LYZL2: variants seen among roughly 807,000 people sequenced by gnomAD.
LYZL2 encodes lysozyme-like protein 2.
LYZL2 carries 13 observed loss-of-function variants against 17.1 expected under a neutral mutation model. That is an observed-to-expected ratio of 0.76 (90% CI 0.49 to 1.21). LYZL2 has a LOEUF of 1.21. Among genes scored for constraint, LYZL2 ranks in the 50% most tolerant of loss-of-function variants. The pLI, the probability that LYZL2 is intolerant of heterozygous loss-of-function variation, is 0.00. For synonymous variants in LYZL2, 63 were observed against 74.4 expected, an observed-to-expected ratio of 0.85 and a Z score of 0.79; for missense variants, 166 against 189.2, an observed-to-expected ratio of 0.88 and a Z score of 0.72.
intron 3 of LYZL2, among the ~76,000 whole-genome samples, chr10:30,614,781 T>C (rs1019844053): frequency 6.6e-6 from 1 of 152,192 alleles, no homozygotes; most frequent in Non-Finnish European, 1.5e-5. Flanking sequence ...TTTAGAGCCT[T>C]AACGAGGTTT....
the LYZL2 span, among the ~76,000 whole-genome samples, chr10:30,606,740 C>A: frequency 6.6e-6 from 1 of 152,086 alleles, no homozygotes; most frequent in East Asian, 1.9e-4. Flanking sequence ...TGTCTACTCC[C>A]CACTCTGCAC....
intron 3 of LYZL2, among the ~76,000 whole-genome samples, chr10:30,619,233 T>C (rs1838581820): frequency 6.6e-6 from 1 of 152,222 alleles, no homozygotes; most frequent in Non-Finnish European, 1.5e-5. Context: ...TTGGTGGGAC[T>C]GTAAACTAGT....
At chr10:30,628,928 T>C (rs535104517) in intron 1 of LYZL2, among the ~76,000 whole-genome samples, 1 of 152,230 alleles carries the variant, frequency 6.6e-6, no homozygotes. Flanking sequence ...TGGTAATATA[T>C]TGTTGGTGGC....
intron 3 of LYZL2, among the ~76,000 whole-genome samples, chr10:30,613,947 C>G (rs941186680): frequency 2.6e-5 from 4 of 152,144 alleles, no homozygotes; most frequent in African/African-American, 7.2e-5. Context: ...TGGGCTCAAG[C>G]AATCCTCTGG....
intron 1 of LYZL2, among the ~76,000 whole-genome samples, chr10:30,628,258 G>A (rs950789665): frequency 1.3e-5 from 2 of 152,192 alleles, no homozygotes; most frequent in Non-Finnish European, 2.9e-5. Context: ...AAATGTGGGA[G>A]CATTGCTTCC....
chr10:30,627,684 C>A (rs936136550), intron 1 of LYZL2, among the ~76,000 whole-genome samples: 1 of 152,104 alleles, frequency 6.6e-6, no homozygotes, highest in Non-Finnish European at 1.5e-5. Flanking sequence ...GGCTTCCAGT[C>A]AGCAGTAGGC....
chr10:30,627,972 A>T (rs1378263422), intron 1 of LYZL2, among the ~76,000 whole-genome samples: 1 of 152,206 alleles, frequency 6.6e-6, no homozygotes, highest in Non-Finnish European at 1.5e-5. Context: ...ATCCTGGCTA[A>T]TGCGGTGAAA....
rs375518658 is a variant in LYZL2, at chr10:30,612,032, C to T, written c.378-8G>A. ...TGTTTCTTCCAGCCTTGCCTGAGGA[C>T]GAGAGGGAAGCAAGAGCAGCAGAAA... is the stretch of plus-strand genomic sequence containing the variant. On this transcript the variant is annotated splice_polypyrimidine_tract_variant and splice_region_variant and intron_variant, in intron 4 of 4. Coordinates refer to ENST00000647634, the MANE Select transcript of LYZL2 (RefSeq NM_183058.3). 141 of 1,613,836 alleles carry T rather than the reference C, an allele frequency of 8.7e-5. No homozygotes were observed. The highest frequency in any genetic ancestry group is 2.8e-4 in the African/African-American group (21 of 74,996).
At chr10:30,614,621 A>C (rs554839166) in intron 3 of LYZL2, among the ~76,000 whole-genome samples, 1 of 152,272 alleles carries the variant, frequency 6.6e-6, no homozygotes, top group Admixed American at 6.5e-5. Flanking sequence ...TGATCTCATT[A>C]CTGCTTGTCA....
At chr10:30,609,482 C>A (rs1838409372), downstream of LYZL2, among the ~76,000 whole-genome samples, 1 of 152,100 alleles carries the variant, frequency 6.6e-6, no homozygotes, top group Non-Finnish European at 1.5e-5. Context: ...AATTGCAGAC[C>A]AGACCAGAAA....
intron 4 of LYZL2, 88 bp from the exon 5 acceptor site, chr10:30,612,112 A>G: frequency 1.3e-6 from 2 of 1,483,604 alleles, no homozygotes; most frequent in Non-Finnish European, 1.9e-6. Context: ...ATTAACCAAA[A>G]TCGCCAGCGG....
chr10:30,609,815 G>A (rs1037486564), downstream of LYZL2, among the ~76,000 whole-genome samples: 15 of 152,156 alleles, frequency 9.9e-5, no homozygotes, highest in African/African-American at 3.4e-4. Flanking sequence ...AATTTCTGAA[G>A]GCATTAATTA....
intron 3 of LYZL2, among the ~76,000 whole-genome samples, chr10:30,619,000 C>T (rs180793090): frequency 0.11 from 17,142 of 151,968 alleles, 1,037 homozygotes; most frequent in South Asian, 0.18. Context: ...AACAACCCCA[C>T]CAACAAGTGG....
rs1244058216 is a variant in LYZL2, at chr10:30,628,280, G to A, written c.-26+1313C>T. 2.0e-5 allele frequency among the ~76,000 whole-genome samples: 3 copies of A among 152,176 alleles called. No individual in the cohort carries two copies. The East Asian group carries it at 5.8e-4, about 29-fold the overall frequency. On this transcript the variant is annotated intron_variant, in intron 1 of 4. Coordinates refer to ENST00000647634, the MANE Select transcript of LYZL2 (RefSeq NM_183058.3). ...GGAGCATTGCTTCCAAAGTACTAGT[G>A]TTTTATCTTAGATTGCAAATGCATT...
downstream of LYZL2, among the ~76,000 whole-genome samples, chr10:30,610,940 G>C (rs567118636): frequency 1.3e-5 from 2 of 152,144 alleles, no homozygotes; most frequent in African/African-American, 4.8e-5. Context: ...TACACAAATG[G>C]TGTCTAGGCT....
In LYZL2 at chr10:30,612,821, C is replaced by A. The variant is rs753953857; in HGVS notation, c.377+1G>T. 6.2e-7 allele frequency: 1 copy of A among 1,609,998 alleles called. No homozygotes were observed. Among genetic ancestry groups the A allele is most frequent in the South Asian group, 1.1e-5 (1 of 91,002 alleles). ...CAAGTCTTCCAAGGAAAGACTCTTA[C>A]CAATAGTTCATTCCTTGTGTCTCTT... On this transcript the variant is annotated splice_donor_variant, in intron 4 of 4. Transcript: ENST00000647634. LOFTEE classifies it high-confidence loss of function.
intron 3 of LYZL2, among the ~76,000 whole-genome samples, chr10:30,625,047 C>T (rs966191982): frequency 6.6e-6 from 1 of 152,066 alleles, no homozygotes; most frequent in African/African-American, 2.4e-5. Flanking sequence ...CAGTTCGACA[C>T]CCCCAAGGAA....
At chr10:30,622,834 T>A (rs1406134225) in intron 3 of LYZL2, among the ~76,000 whole-genome samples, 1 of 152,208 alleles carries the variant, frequency 6.6e-6, no homozygotes, top group Non-Finnish European at 1.5e-5. Flanking sequence ...TATGTTTTAA[T>A]CACTCCTACT....
chr10:30,611,702 A>AAAAG (rs374528139), downstream of LYZL2: 972 of 391,816 alleles, frequency 2.5e-3, 21 homozygotes, highest in African/African-American at 0.02. Flanking sequence ...GAAAGAAAGA[A>AAAAG]AAAGAAAGAA....
Sources: gnomAD v4.1 joint callset for allele counts (sites outside exome capture counted in the v4.1 genomes callset) on GRCh38, gnomAD v4.1.1 for gene constraint, MANE v1.5 for transcripts, NCBI Gene and HGNC (gene_info 2026-07-23, HGNC 2026-07-21) for gene names.